Variants in KCNIP4 observed in about 807,000 individuals in gnomAD.
The protein encoded by KCNIP4 is potassium voltage-gated channel interacting protein 4.
In KCNIP4, 12 loss-of-function variants were observed where a neutral mutation model predicts 34.0. The ratio of observed to expected loss-of-function variants is 0.35; its 90% CI spans 0.23 to 0.57. The LOEUF (loss-of-function observed/expected upper bound fraction) is 0.57. KCNIP4 is among the 20% of genes least tolerant of loss of function. The probability of loss-of-function intolerance (pLI) is 0.83; values close to 1 mark genes in which losing one functional copy is unlikely to be tolerated. For missense variants in KCNIP4, 238 were observed against 311.7 expected (o/e 0.76, Z 1.78); for synonymous variants, 124 against 102.2 (o/e 1.21, Z -1.29).
chr4:20,920,784 G>A (rs1419166552), intron 1 of KCNIP4, among the ~76,000 whole-genome samples: 3 of 152,156 alleles, frequency 2.0e-5, no homozygotes, highest in African/African-American at 7.2e-5. Context: ...AAGGTCAGGA[G>A]TTCGAGACCA....
intron 2 of KCNIP4, among the ~76,000 whole-genome samples, chr4:20,868,676 C>G (rs1027143965): frequency 1.3e-5 from 2 of 152,064 alleles, no homozygotes; most frequent in Non-Finnish European, 2.9e-5. Flanking sequence ...AGAAGGAAAT[C>G]TTGTCCTTTC....
intron 1 of KCNIP4, among the ~76,000 whole-genome samples, chr4:21,595,984 CAGAG>C (rs1405529789): frequency 6.6e-6 from 1 of 152,066 alleles, no homozygotes; most frequent in Admixed American, 6.6e-5. Context: ...TGTTGAAGCA[CAGAG>C]AAAGTGTTGA....
intron 1 of KCNIP4, among the ~76,000 whole-genome samples, chr4:21,059,217 GTTGA>G (rs1470974393): frequency 6.6e-6 from 1 of 152,136 alleles, no homozygotes; most frequent in African/African-American, 2.4e-5. Context: ...TCCCTGAGGT[GTTGA>G]TTAAGACTTT....
chr4:21,458,947 T>C (rs1729208497), intron 1 of KCNIP4, among the ~76,000 whole-genome samples: 1 of 152,080 alleles, frequency 6.6e-6, no homozygotes, highest in Non-Finnish European at 1.5e-5. Flanking sequence ...ATTCTTCACC[T>C]GTGCACAAGA....
At chr4:21,832,133 C>T (rs1314970759) in intron 1 of KCNIP4, among the ~76,000 whole-genome samples, 1 of 152,104 alleles carries the variant, frequency 6.6e-6, no homozygotes, top group Non-Finnish European at 1.5e-5. Context: ...ACCTGAAAGA[C>T]AAAAATCATA....
At chr4:21,535,067 G>A (rs891445204) in intron 1 of KCNIP4, among the ~76,000 whole-genome samples, 2 of 151,536 alleles carry the variant, frequency 1.3e-5, no homozygotes, top group Non-Finnish European at 2.9e-5. Context: ...ACTCCATTCT[G>A]CGCAAACTTA....
intron 1 of KCNIP4, among the ~76,000 whole-genome samples, chr4:21,457,149 A>G (rs1185640307): frequency 6.6e-6 from 1 of 151,984 alleles, no homozygotes; most frequent in African/African-American, 2.4e-5. Context: ...AGTGGAGTCT[A>G]GATTTCTTCC....
chr4:21,449,503 T>C (rs1728329335), intron 1 of KCNIP4, among the ~76,000 whole-genome samples: 2 of 152,062 alleles, frequency 1.3e-5, no homozygotes, highest in South Asian at 4.1e-4. Context: ...AGAAAACTAA[T>C]GCAGTGAGAA....
intron 3 of KCNIP4, chr4:20,767,371 C>A (rs1755507549): frequency 6.8e-6 from 1 of 147,786 alleles, no homozygotes. Flanking sequence ...CAGTAGAAAC[C>A]CAGGAGCCTC....
At chr4:21,554,631 G>T (rs972206730) in intron 1 of KCNIP4, among the ~76,000 whole-genome samples, 2 of 152,012 alleles carry the variant, frequency 1.3e-5, no homozygotes, top group African/African-American at 4.8e-5. Context: ...AATTCCTTCT[G>T]CCTGCATGCC....
At chr4:20,900,260 T>A (rs1727022211) in intron 1 of KCNIP4, among the ~76,000 whole-genome samples, 1 of 152,172 alleles carries the variant, frequency 6.6e-6, no homozygotes, top group Non-Finnish European at 1.5e-5. Flanking sequence ...AAAGGTACAT[T>A]ATAAGTGCTG....
chr4:21,151,880 C>T (rs1752782545), intron 1 of KCNIP4, among the ~76,000 whole-genome samples: 1 of 152,130 alleles, frequency 6.6e-6, no homozygotes. Flanking sequence ...CTCCTCCATG[C>T]TCAAATTTCA....
chr4:21,592,966 G>A (rs1438036560), intron 1 of KCNIP4, among the ~76,000 whole-genome samples: 1 of 152,044 alleles, frequency 6.6e-6, no homozygotes, highest in Non-Finnish European at 1.5e-5. Context: ...GAATGGGAAG[G>A]AAAAACTTAT....
At chr4:20,760,792 C>G (rs1754896629) in intron 3 of KCNIP4, among the ~76,000 whole-genome samples, 1 of 151,970 alleles carries the variant, frequency 6.6e-6, no homozygotes, top group Non-Finnish European at 1.5e-5. Flanking sequence ...TAATGATGAC[C>G]TCAAGGACCT....
chr4:21,301,926 C>T (rs1711761251), intron 1 of KCNIP4, among the ~76,000 whole-genome samples: 1 of 152,174 alleles, frequency 6.6e-6, no homozygotes, highest in African/African-American at 2.4e-5. Context: ...CTTTCTATCT[C>T]TGTCAACTTT....
At chr4:21,757,227 GAAAGAAAGAAAGAAAGAAAGA>G (rs200786367) in intron 1 of KCNIP4, among the ~76,000 whole-genome samples, 566 of 23,294 alleles carry the variant, frequency 0.024, 26 homozygotes, top group Admixed American at 0.075. Context: ...AAGAAAGAAA[GAAAGAAAGAAAGAAAGAAAGA>G]AAAGAAAAGA....
chr4:21,915,567 A>G (rs563609153), intron 1 of KCNIP4, among the ~76,000 whole-genome samples: 2 of 152,316 alleles, frequency 1.3e-5, no homozygotes, highest in South Asian at 2.1e-4. Context: ...GTTTTTATCA[A>G]TTCTTCCCTT....
At chr4:20,903,746 A>G (rs1416712934) in intron 1 of KCNIP4, among the ~76,000 whole-genome samples, 1 of 152,114 alleles carries the variant, frequency 6.6e-6, no homozygotes, top group African/African-American at 2.4e-5. Context: ...GGGCTGCGTC[A>G]CGGGCCATGG....
At chr4:20,824,129 A>T (rs6850798) in intron 3 of KCNIP4, among the ~76,000 whole-genome samples, 1 of 152,326 alleles carries the variant, frequency 6.6e-6, no homozygotes, top group East Asian at 1.9e-4. Flanking sequence ...GCTGAATATT[A>T]CCGTACAGTT....
Sources: gnomAD v4.1 joint callset for allele counts (sites outside exome capture counted in the v4.1 genomes callset) on GRCh38, gnomAD v4.1.1 for gene constraint, MANE v1.5 for transcripts, NCBI Gene and HGNC (gene_info 2026-07-23, HGNC 2026-07-21) for gene names.